Variants in HS6ST2 observed in about 807,000 individuals in gnomAD.
HS6ST2 encodes the protein heparan sulfate 6-O-sulfotransferase 2.
A neutral mutation model predicts 33.0 loss-of-function variants in HS6ST2; 17 were observed. That is an observed-to-expected ratio of 0.52 (90% confidence interval 0.35 to 0.77). The LOEUF (loss-of-function observed/expected upper bound fraction) is 0.77, where lower values mean the gene tolerates loss of function less well. Ranked by LOEUF, HS6ST2 falls within the 30% of genes least tolerant of loss-of-function variation. The pLI, the probability that HS6ST2 is intolerant of heterozygous loss-of-function variation, is 0.01. For missense variants in HS6ST2, 519 were observed against 551.7 expected, an observed-to-expected ratio of 0.94 and a Z score of 0.59; for synonymous variants, 248 against 237.1, an observed-to-expected ratio of 1.05 and a Z score of -0.42.
At chrX:132,705,288 C>A (rs1172886267) in intron 3 of HS6ST2, among the ~76,000 whole-genome samples, 1 of 109,379 alleles carries the variant, frequency 9.1e-6, no homozygotes, top group Non-Finnish European at 1.9e-5. Context: ...GATTATGAAC[C>A]CTTTCAAGCA....
chrX:132,721,970 C>T (rs2064333472), intron 2 of HS6ST2, among the ~76,000 whole-genome samples: 1 of 110,204 alleles, frequency 9.1e-6, no homozygotes, highest in Admixed American at 9.7e-5. Flanking sequence ...GGGCGGATCA[C>T]GAGGTCAGGA....
At chrX:132,772,934 A>G (rs1455330353) in intron 2 of HS6ST2, among the ~76,000 whole-genome samples, 2 of 89,907 alleles carry the variant, frequency 2.2e-5, no homozygotes, top group Admixed American at 1.4e-4. Context: ...ATCCAATTAT[A>G]TTAATATATA....
intron 2 of HS6ST2, among the ~76,000 whole-genome samples, chrX:132,832,590 TTTTG>T (rs2065600822): frequency 8.9e-6 from 1 of 112,237 alleles, no homozygotes; most frequent in South Asian, 3.6e-4. Context: ...ATTAATTCAT[TTTTG>T]TTTATTTGCC....
chrX:132,787,303 A>T lies in HS6ST2; in HGVS notation c.948-78809T>A, dbSNP rs756040676. Among the ~76,000 whole-genome samples, 556 of 92,239 alleles carry T rather than the reference A, an allele frequency of 6.0e-3. 11 individuals carry two copies. Among genetic ancestry groups the T allele is most frequent in the Middle Eastern group, 0.022 (4 of 185 alleles). The allele number at this position is 92,239 out of a possible 115,157, so 80.1% of individuals were successfully genotyped here. ...TTATATTTATATAATATATATATAT[A>T]TTTTTTCAATACAGAGTCTTGCTCT... is the stretch of plus-strand genomic sequence containing the variant. On this transcript the variant is annotated intron_variant, in intron 2 of 4. Coordinates refer to ENST00000370833, the MANE Select transcript of HS6ST2 (RefSeq NM_001394073.1).
intron 3 of HS6ST2, among the ~76,000 whole-genome samples, chrX:132,674,776 T>C (rs1325550467): frequency 8.9e-6 from 1 of 112,031 alleles, no homozygotes; most frequent in East Asian, 2.8e-4. Flanking sequence ...TATCTAACAA[T>C]TGTAAGTGGT....
At chrX:132,633,491 T>G (rs1569475407) in intron 4 of HS6ST2, among the ~76,000 whole-genome samples, 1 of 110,374 alleles carries the variant, frequency 9.1e-6, no homozygotes, top group East Asian at 2.9e-4. Flanking sequence ...CGGGTAAAAG[T>G]GACAAAAGGG....
intron 2 of HS6ST2, among the ~76,000 whole-genome samples, chrX:132,725,125 G>A (rs2064379664): frequency 9.0e-6 from 1 of 110,929 alleles, no homozygotes; most frequent in South Asian, 3.8e-4. Context: ...ACACGCACAG[G>A]CAACCAAAGC....
intron 2 of HS6ST2, among the ~76,000 whole-genome samples, chrX:132,855,689 T>C (rs1362957093): frequency 8.9e-6 from 1 of 111,946 alleles, no homozygotes; most frequent in African/African-American, 3.2e-5. Flanking sequence ...TGTAAAACTG[T>C]TGGACTGTGT....
intron 2 of HS6ST2, among the ~76,000 whole-genome samples, chrX:132,948,169 C>G (rs1056404978): frequency 2.7e-5 from 3 of 111,850 alleles, no homozygotes; most frequent in Non-Finnish European, 5.6e-5. Context: ...ATTTAAAAAG[C>G]AATCAAACTG....
intron 2 of HS6ST2, among the ~76,000 whole-genome samples, chrX:132,783,497 C>T (rs2065032341): frequency 9.0e-6 from 1 of 111,513 alleles, no homozygotes; most frequent in Non-Finnish European, 1.9e-5. Flanking sequence ...AGTCATTCGC[C>T]ACCATCTGAA....
intron 4 of HS6ST2, among the ~76,000 whole-genome samples, chrX:132,644,098 A>G (rs1205646034): frequency 9.0e-6 from 1 of 110,843 alleles, no homozygotes; most frequent in Non-Finnish European, 1.9e-5. Context: ...CAGAAAAGTC[A>G]TCTGAAGAAA....
intron 1 of HS6ST2, among the ~76,000 whole-genome samples, 181 bp from the exon 2 acceptor site, chrX:132,957,507 G>C (rs1156579662): frequency 2.8e-5 from 3 of 108,581 alleles, no homozygotes; most frequent in Non-Finnish European, 5.8e-5. Context: ...CTTCCTTCCC[G>C]GCAGGCTCAG....
intron 2 of HS6ST2, among the ~76,000 whole-genome samples, chrX:132,730,593 G>C (rs2064447714): frequency 8.9e-6 from 1 of 112,044 alleles, no homozygotes; most frequent in South Asian, 3.8e-4. Flanking sequence ...AGCCCACGTG[G>C]GCAACAACTG....
At chrX:132,779,317 T>G (rs1478510433) in intron 2 of HS6ST2, among the ~76,000 whole-genome samples, 1 of 111,916 alleles carries the variant, frequency 8.9e-6, no homozygotes, top group Non-Finnish European at 1.9e-5. Flanking sequence ...GTAGATTAAA[T>G]GTGCAAGCTG....
Position 132,628,078 on chromosome X carries a change from G to C in HS6ST2, c.*145C>G, listed in dbSNP as rs1250413713. On this transcript the variant is annotated 3_prime_UTR_variant, in exon 5 of 5. Coordinates refer to ENST00000370833, the MANE Select transcript of HS6ST2 (RefSeq NM_001394073.1). Reference sequence around the variant, plus strand: ...ACACAGTATAACACTGAATTGAAAGGCAACTGTAAAGGCAACATCTAAACT... The same window carrying C: ...ACACAGTATAACACTGAATTGAAAGCCAACTGTAAAGGCAACATCTAAACT... 2.2e-6 allele frequency: 1 copy of C among 447,053 alleles called. No homozygotes were observed. The highest frequency in any genetic ancestry group is 3.9e-6 in the Non-Finnish European group (1 of 259,609). The allele number at this position is 447,053 out of a possible 1,213,427, so 36.8% of individuals were successfully genotyped here.
At chrX:132,898,297 G>A (rs1281964266) in intron 2 of HS6ST2, among the ~76,000 whole-genome samples, 1 of 106,065 alleles carries the variant, frequency 9.4e-6, no homozygotes. Context: ...AAAACCAAAT[G>A]TTTTCTCTTC....
intron 2 of HS6ST2, among the ~76,000 whole-genome samples, chrX:132,884,067 C>T (rs904685749): frequency 9.0e-6 from 1 of 110,825 alleles, no homozygotes; most frequent in Non-Finnish European, 1.9e-5. Flanking sequence ...GTGGCTTGTG[C>T]CTCTGTGGCA....
chrX:132,925,129 T>C (rs2066697319), intron 2 of HS6ST2, among the ~76,000 whole-genome samples: 1 of 111,173 alleles, frequency 9.0e-6, no homozygotes, highest in African/African-American at 3.3e-5. Flanking sequence ...TGACAAATGA[T>C]TTAATCAGTC....
At chrX:132,668,823 G>T (rs777014569) in intron 4 of HS6ST2, among the ~76,000 whole-genome samples, 12 of 110,870 alleles carry the variant, frequency 1.1e-4, no homozygotes, top group African/African-American at 3.9e-4. Context: ...CTCTTACATT[G>T]CCCTTATGGA....
Sources: allele counts gnomAD v4.1 joint callset (sites outside exome capture counted in the v4.1 genomes callset), GRCh38; gene constraint gnomAD v4.1.1; transcripts MANE v1.5; gene names NCBI Gene and HGNC (gene_info 2026-07-23, HGNC 2026-07-21).